The following DYNC2I1 variants were observed in gnomAD, a reference collection of about 807,000 sequenced individuals.
DYNC2I1 encodes dynein 2 intermediate chain 1, also known as cytoplasmic dynein 2 intermediate chain 1.
Under a neutral mutation model 133.4 loss-of-function variants are expected in DYNC2I1, and 89 were observed. The observed-to-expected ratio is 0.67, with a 90% CI of 0.56 to 0.80. The LOEUF is 0.80. DYNC2I1 is among the 30% of genes least tolerant of loss of function. The probability of loss-of-function intolerance (pLI) is 0.00; values close to 1 mark genes in which losing one functional copy is unlikely to be tolerated. For synonymous variants in DYNC2I1, 504 were observed against 484.3 expected, an observed-to-expected ratio of 1.04 and a Z score of -0.54; for missense variants, 1,291 against 1,314.5, an observed-to-expected ratio of 0.98 and a Z score of 0.28.
chr7:158,849,966 C>A, the DYNC2I1 span, among the ~76,000 whole-genome samples: 12 of 152,344 alleles, frequency 7.9e-5, no homozygotes, highest in Middle Eastern at 3.4e-3. Context: ...GAGGTGGGGC[C>A]TTACTGGGGG....
In DYNC2I1 at chr7:158,941,940, G is replaced by A. The variant is rs1266045724; in HGVS notation, c.2794G>A (p.Gly932Arg). The A allele has an allele frequency of 6.2e-6, 10 of 1,606,938 alleles. No individual in the cohort carries two copies. The highest frequency in any genetic ancestry group is 1.1e-5 in the South Asian group (1 of 90,072). ...EPIFLAGCSD[G>R]SIRLHQLSSA... ...CTGGTCATAGGCCGGCTGTTCGGACGGAAGCATCAGGCTGCACCAGCTGAG... is the reference window on the plus strand; with the variant it reads ...CTGGTCATAGGCCGGCTGTTCGGACAGAAGCATCAGGCTGCACCAGCTGAG... Residue 932 changes from glycine (G) to arginine (R), a missense_variant, in exon 24 of 25, where the codon GGA (glycine) becomes AGA (arginine). By Grantham distance (125) the Gly-to-Arg change is moderately radical. Coordinates refer to ENST00000407559, the MANE Select transcript of DYNC2I1 (RefSeq NM_018051.5).
At chr7:158,930,915 A>G (rs1308330457) in intron 21 of DYNC2I1, among the ~76,000 whole-genome samples, 2 of 152,086 alleles carry the variant, frequency 1.3e-5, no homozygotes, top group Non-Finnish European at 2.9e-5. Context: ...TGATCCACCC[A>G]CCTCAGCCTC....
rs765461099 is a variant in DYNC2I1, at chr7:158,923,625, G to A, written c.2149G>A (p.Ala717Thr). ...LKAFLLFAGT[A>T]HGSVVVWDLR... ...AGCATTTTTACTGTTTGCCGGAACA[G>A]CGCACGGCTCAGTTGTCGTCTGGGA... is the stretch of plus-strand genomic sequence containing the variant. The change falls in exon 17 of 25, where the codon GCG becomes ACG. Residue 717 changes from alanine (A) to threonine (T), a missense_variant. By Grantham distance (58) the Ala-to-Thr change is moderately conservative. Transcript: ENST00000407559. 1 of 1,614,004 alleles carries A rather than the reference G, an allele frequency of 6.2e-7. No homozygotes were observed.
At chr7:158,894,124 C>CACATATCCTACT (rs1845529777) in intron 8 of DYNC2I1, among the ~76,000 whole-genome samples, 1 of 125,566 alleles carries the variant, frequency 8.0e-6, no homozygotes, top group Admixed American at 7.4e-5. Flanking sequence ...CATATCCTAC[C>CACATATCCTACT]GCATATCATA....
the DYNC2I1 span, among the ~76,000 whole-genome samples, chr7:158,850,192 G>A: frequency 6.6e-6 from 1 of 152,118 alleles, no homozygotes; most frequent in East Asian, 1.9e-4. Context: ...GCACCTGGGA[G>A]AGTGGCCACA....
chr7:158,923,855 C>A, intron 17 of DYNC2I1, 122 bp downstream of exon 17: 1 of 1,292,954 alleles, frequency 7.7e-7, no homozygotes, highest in Non-Finnish European at 1.0e-6. Flanking sequence ...GGGTCTGACC[C>A]ATGGGCAAAA....
At chr7:158,943,028 A>G (rs1299957052) in intron 24 of DYNC2I1, among the ~76,000 whole-genome samples, 1 of 152,114 alleles carries the variant, frequency 6.6e-6, no homozygotes, top group African/African-American at 2.4e-5. Context: ...TTTCTTTTTA[A>G]TAAATTCTCC....
chr7:158,860,562 A>G (rs150931713), intron 1 of DYNC2I1, among the ~76,000 whole-genome samples: 1 of 152,230 alleles, frequency 6.6e-6, no homozygotes, highest in Non-Finnish European at 1.5e-5. Flanking sequence ...CATGGTGACA[A>G]TTTTCTTTAA....
chr7:158,955,433 G>T (rs558075958), intron 4 of DYNC2I1, among the ~76,000 whole-genome samples: 1 of 152,284 alleles, frequency 6.6e-6, no homozygotes, highest in African/African-American at 2.4e-5. Flanking sequence ...TTTGGAAAAA[G>T]GTCCCCTAGG....
At chr7:158,857,693 A>G (rs1231135242) in intron 1 of DYNC2I1, among the ~76,000 whole-genome samples, 1 of 151,546 alleles carries the variant, frequency 6.6e-6, no homozygotes, top group Non-Finnish European at 1.5e-5. Flanking sequence ...GTCCGCCACC[A>G]AGCCCAGCTG....
chr7:158,869,759 C>T, intron 1 of DYNC2I1, 96 bp from the exon 2 acceptor site: 2 of 860,208 alleles, frequency 2.3e-6, no homozygotes, highest in South Asian at 3.5e-5. Flanking sequence ...CAAGAATTAA[C>T]TGCCATTGAT....
At chr7:158,904,123 C>G (rs842702) in intron 10 of DYNC2I1, 1 of 152,170 alleles carries the variant, frequency 6.6e-6, no homozygotes, top group African/African-American at 2.4e-5. Context: ...ATGCTGACTC[C>G]GGGGTTTCAG....
At position 158,880,008 on chromosome 7, in the gene DYNC2I1, C is replaced by G. The variant is rs757235921; in HGVS notation, c.879+19C>G. The stretch of plus-strand genomic sequence containing the variant: ...ATCCCAGGTACCCCTTCTGATGCTT[C>G]GTTGCCTTAGCAGCCGCCCCGAGGC... On this transcript the variant is annotated intron_variant, in intron 5 of 24. Coordinates refer to ENST00000407559, the MANE Select transcript of DYNC2I1 (RefSeq NM_018051.5). The G allele has an allele frequency of 6.4e-7, 1 of 1,564,436 alleles. No individual in the cohort carries two copies. The highest frequency in any genetic ancestry group is 2.2e-5 in the East Asian group (1 of 44,606).
intron 21 of DYNC2I1, 94 bp downstream of exon 21, chr7:158,930,609 G>C: frequency 1.0e-6 from 1 of 985,198 alleles, no homozygotes; most frequent in Non-Finnish European, 1.5e-6. Context: ...GTGAGCTTTT[G>C]CGATGAAGAA....
intron 8 of DYNC2I1, among the ~76,000 whole-genome samples, chr7:158,892,390 AT>A (rs1346775269): frequency 6.6e-6 from 1 of 152,188 alleles, no homozygotes; most frequent in East Asian, 1.9e-4. Flanking sequence ...ATGACTTTAT[AT>A]GATAATGTGC....
chr7:158,856,992 T>G, intron 1 of DYNC2I1, among the ~76,000 whole-genome samples: 1 of 151,942 alleles, frequency 6.6e-6, no homozygotes, highest in East Asian at 1.9e-4. Context: ...CTGTGCAGCC[T>G]CAGGCCTGGG....
At chr7:158,854,992 G>A (rs1396405649), upstream of DYNC2I1, among the ~76,000 whole-genome samples, 1 of 152,238 alleles carries the variant, frequency 6.6e-6, no homozygotes, top group African/African-American at 2.4e-5. Flanking sequence ...GAGCCTTGCA[G>A]CCTGCAAAGC....
At chr7:158,957,199 C>G (rs558827466), downstream of DYNC2I1, among the ~76,000 whole-genome samples, 27 of 152,054 alleles carry the variant, frequency 1.8e-4, no homozygotes, top group Non-Finnish European at 2.5e-4. Flanking sequence ...AATGCATGTT[C>G]TTCTTCTTTT....
intron 21 of DYNC2I1, among the ~76,000 whole-genome samples, chr7:158,933,073 TC>T (rs140316020): frequency 0.041 from 6,263 of 152,060 alleles, 201 homozygotes; most frequent in Non-Finnish European, 0.061. Context: ...TTGGGAGTCG[TC>T]AACCAAGAGG....
Sources: allele counts gnomAD v4.1 joint callset (sites outside exome capture counted in the v4.1 genomes callset), GRCh38; gene constraint gnomAD v4.1.1; transcripts MANE v1.5; gene names NCBI Gene and HGNC (gene_info 2026-07-23, HGNC 2026-07-21).